Variants in SLC39A11 observed in about 807,000 individuals in gnomAD.
SLC39A11 encodes the protein zinc transporter ZIP11.
Under a neutral mutation model 36.1 loss-of-function variants are expected in SLC39A11, and 33 were observed. The observed-to-expected ratio is 0.91, with a 90% CI of 0.69 to 1.22. The LOEUF (loss-of-function observed/expected upper bound fraction) is 1.22. Ranked by LOEUF, SLC39A11 falls within the 50% of genes most tolerant of loss-of-function variation. The pLI, the probability that SLC39A11 is intolerant of heterozygous loss-of-function variation, is 0.00. For synonymous variants in SLC39A11, 166 were observed against 170.3 expected (o/e 0.97, Z 0.20); for missense variants, 432 against 430.3 (o/e 1.00, Z -0.03).
intron 5 of SLC39A11, among the ~76,000 whole-genome samples, chr17:72,899,145 G>A (rs1268037499): frequency 6.6e-6 from 1 of 152,138 alleles, no homozygotes; most frequent in Non-Finnish European, 1.5e-5. Context: ...TGCGCTGAAG[G>A]ATGCCTGGGC....
chr17:72,925,104 A>G, intron 5 of SLC39A11, among the ~76,000 whole-genome samples: 1 of 151,802 alleles, frequency 6.6e-6, no homozygotes, highest in South Asian at 2.1e-4. Flanking sequence ...CATGCTGTCC[A>G]GTGGAATTTC....
At chr17:72,939,040 A>C (rs145872609) in intron 5 of SLC39A11, among the ~76,000 whole-genome samples, 26 of 152,260 alleles carry the variant, frequency 1.7e-4, no homozygotes, top group African/African-American at 6.0e-4. Context: ...TAAGACAAAC[A>C]TGGCGCCTCA....
intron 3 of SLC39A11, among the ~76,000 whole-genome samples, chr17:73,077,937 C>T (rs534451438): frequency 3.9e-5 from 6 of 152,110 alleles, no homozygotes; most frequent in Non-Finnish European, 8.8e-5. Flanking sequence ...CTTACAATAG[C>T]TTCTGATCTA....
At chr17:72,984,427 A>T (rs1409210164) in intron 4 of SLC39A11, among the ~76,000 whole-genome samples, 1 of 152,064 alleles carries the variant, frequency 6.6e-6, no homozygotes, top group Middle Eastern at 3.2e-3. Context: ...AAGAAATAAG[A>T]TTCCTTTCCC....
At chr17:73,017,311 C>T (rs761870362) in intron 4 of SLC39A11, among the ~76,000 whole-genome samples, 18 of 152,144 alleles carry the variant, frequency 1.2e-4, no homozygotes, top group East Asian at 3.8e-4. Flanking sequence ...CCTAGCCAGA[C>T]GGAAAACATG....
chr17:72,826,008 G>A (rs2078014218), intron 6 of SLC39A11, among the ~76,000 whole-genome samples: 1 of 152,176 alleles, frequency 6.6e-6, no homozygotes, highest in Non-Finnish European at 1.5e-5. Flanking sequence ...AGGCATAATT[G>A]TATTTTAAAA....
rs548072651 is a variant in SLC39A11, at chr17:72,860,400, C to T, written c.431-10596G>A. 7.2e-5 allele frequency among the ~76,000 whole-genome samples: 11 copies of T among 152,260 alleles called. No homozygotes were observed. In the South Asian group the frequency reaches 1.0e-3, roughly 14 times the overall value. ...TGTTCATTCTGTGTGTGTATGTGTG[C>T]GAGACAGAATATACACATGTATGTG... On this transcript the variant is annotated intron_variant, in intron 5 of 9. Transcript: ENST00000255559.
At chr17:73,049,884 A>C (rs565059595) in intron 3 of SLC39A11, among the ~76,000 whole-genome samples, 3 of 152,356 alleles carry the variant, frequency 2.0e-5, no homozygotes, top group Non-Finnish European at 2.9e-5. Flanking sequence ...GCACTTCAGC[A>C]GGCTGAGGCA....
chr17:72,895,026 C>T (rs1598312814), intron 5 of SLC39A11, among the ~76,000 whole-genome samples: 1 of 150,908 alleles, frequency 6.6e-6, no homozygotes, highest in East Asian at 1.9e-4. Context: ...AACTGATTTG[C>T]TTCATTGATT....
At chr17:73,003,324 T>C (rs6501589) in intron 4 of SLC39A11, among the ~76,000 whole-genome samples, 142,435 of 152,288 alleles carry the variant, frequency 0.94, 66,959 homozygotes, top group Non-Finnish European at 0.99. Context: ...AATTGAGTTG[T>C]GTGTGCTAAT....
At chr17:72,851,897 A>T (rs2079348127) in intron 5 of SLC39A11, among the ~76,000 whole-genome samples, 1 of 152,136 alleles carries the variant, frequency 6.6e-6, no homozygotes, top group African/African-American at 2.4e-5. Flanking sequence ...AGAAGAAAAA[A>T]ACTTCTTTTG....
intron 6 of SLC39A11, among the ~76,000 whole-genome samples, chr17:72,750,229 C>G (rs1191777589): frequency 6.6e-6 from 1 of 152,156 alleles, no homozygotes; most frequent in East Asian, 1.9e-4. Flanking sequence ...ATTCCTCCCC[C>G]AAGTTCACAT....
intron 4 of SLC39A11, among the ~76,000 whole-genome samples, chr17:73,019,279 A>G (rs1184428752): frequency 3.3e-5 from 5 of 152,218 alleles, no homozygotes; most frequent in African/African-American, 7.2e-5. Context: ...AGTACATGGA[A>G]AAGTCAAGGC....
chr17:72,899,265 A>C (rs1349504692), intron 5 of SLC39A11, among the ~76,000 whole-genome samples: 9 of 133,194 alleles, frequency 6.8e-5, no homozygotes, highest in Non-Finnish European at 9.6e-5. Context: ...CCCTGCCACC[A>C]CTCTTGCTGG....
In SLC39A11 at chr17:73,081,662, C is replaced by T. The variant is rs573846340; in HGVS notation, c.147+3146G>A. ...ACACACACACACACACACACACACA[C>T]ACACACACATATATATACACATATA... On this transcript the variant is annotated intron_variant, in intron 3 of 9. Coordinates refer to ENST00000255559, the MANE Select transcript of SLC39A11 (RefSeq NM_139177.4). Among the ~76,000 whole-genome samples, 74 of 76,814 alleles carry T rather than the reference C, an allele frequency of 9.6e-4. 1 individual carries two copies. Among genetic ancestry groups the T allele is most frequent in the South Asian group, 4.1e-3 (8 of 1,940 alleles). 50.4% of individuals were successfully genotyped at this position (76,814 alleles called of 152,430 possible).
chr17:72,900,185 GAAAGAAA>G (rs2082301426), intron 5 of SLC39A11, among the ~76,000 whole-genome samples: 2 of 144,658 alleles, frequency 1.4e-5, no homozygotes, highest in African/African-American at 5.3e-5. Flanking sequence ...AAGAAAGAAA[GAAAGAAA>G]GAAAGAAAGA....
intron 3 of SLC39A11, chr17:73,067,921 A>G: frequency 6.2e-7 from 1 of 1,606,778 alleles, no homozygotes; most frequent in African/African-American, 1.3e-5. Flanking sequence ...CATCACTGCC[A>G]AAACACTCAG....
intron 7 of SLC39A11, among the ~76,000 whole-genome samples, chr17:72,693,906 C>G (rs1233854311): frequency 6.6e-6 from 1 of 152,180 alleles, no homozygotes; most frequent in Non-Finnish European, 1.5e-5. Context: ...TCGTGATCCA[C>G]CCGCCTCGGC....
chr17:73,085,420 T>C (rs999977425), intron 2 of SLC39A11, among the ~76,000 whole-genome samples: 1 of 151,880 alleles, frequency 6.6e-6, no homozygotes, highest in Non-Finnish European at 1.5e-5. Context: ...CCAAGGCAGG[T>C]GGATCACCTG....
Sources: allele counts gnomAD v4.1 joint callset (sites outside exome capture counted in the v4.1 genomes callset), GRCh38; gene constraint gnomAD v4.1.1; transcripts MANE v1.5; gene names NCBI Gene and HGNC (gene_info 2026-07-23, HGNC 2026-07-21).